Variants in STAU1 observed in about 807,000 individuals in gnomAD.
STAU1 encodes the protein double-stranded RNA-binding protein Staufen homolog 1.
A neutral mutation model predicts 62.9 loss-of-function variants in STAU1; 13 were observed. The ratio of observed to expected loss-of-function variants is 0.21; its 90% confidence interval spans 0.13 to 0.33. The LOEUF (loss-of-function observed/expected upper bound fraction) is 0.33. Among genes scored for constraint, STAU1 ranks in the 10% least tolerant of loss-of-function variants. The pLI is 1.00. For missense variants in STAU1, 571 were observed against 712.1 expected, an observed-to-expected ratio of 0.80 and a Z score of 2.25; for synonymous variants, 269 against 265.1, an observed-to-expected ratio of 1.01 and a Z score of -0.14.
chr20:49,187,605 A>T (rs2093803753), intron 1 of STAU1, among the ~76,000 whole-genome samples: 1 of 152,100 alleles, frequency 6.6e-6, no homozygotes, highest in African/African-American at 2.4e-5. Context: ...CGGTATTAGC[A>T]GCCCCTTTTC....
chr20:49,151,679 A>G lies in STAU1; in HGVS notation c.413T>C (p.Phe138Ser), dbSNP rs747019457. ...CTGTCTTGTCTTTCCTTTGCCATTAAATTGCTGTCCTCCCACAGAAAGTTC... is the reference window on the plus strand; with the variant it reads ...CTGTCTTGTCTTTCCTTTGCCATTAGATTGCTGTCCTCCCACAGAAAGTTC... ...QVELSVGGQQ[F>S]NGKGKTRQAA... The change falls in exon 5 of 14, where the codon TTT becomes TCT. Residue 138 changes from phenylalanine (F) to serine (S), a missense_variant. By Grantham distance (155) the Phe-to-Ser change is radical. Transcript: ENST00000371856. 1 of 1,612,500 alleles carries G rather than the reference A, an allele frequency of 6.2e-7. No individual in the cohort carries two copies. The highest frequency in any genetic ancestry group is 8.5e-7 in the Non-Finnish European group (1 of 1,179,452).
the STAU1 span, among the ~76,000 whole-genome samples, chr20:49,215,594 A>G: frequency 6.6e-6 from 1 of 152,176 alleles, no homozygotes; most frequent in African/African-American, 2.4e-5. Flanking sequence ...GGGATTAAGG[A>G]AAATATTATG....
the STAU1 span, among the ~76,000 whole-genome samples, chr20:49,216,049 A>AAG: frequency 4.1e-5 from 6 of 146,328 alleles, no homozygotes; most frequent in African/African-American, 1.5e-4. Context: ...GAAGAAGAAG[A>AAG]AAAAAAAAGA....
chr20:49,218,426 C>T, the STAU1 span, among the ~76,000 whole-genome samples: 1 of 151,720 alleles, frequency 6.6e-6, no homozygotes, highest in African/African-American at 2.4e-5. Context: ...GGGGTTTCAC[C>T]GTGTTAGCCA....
chr20:49,122,918 A>AAAATAAATAAATAAAT (rs3091755), intron 8 of STAU1, among the ~76,000 whole-genome samples, 174 bp downstream of exon 8: 38 of 148,542 alleles, frequency 2.6e-4, no homozygotes, highest in Admixed American at 1.5e-3. Context: ...CTCCATCTCA[A>AAAATAAATAAATAAAT]AAATAAATAA....
intron 6 of STAU1, among the ~76,000 whole-genome samples, chr20:49,127,341 C>G (rs541378992): frequency 1.3e-5 from 2 of 150,880 alleles, no homozygotes; most frequent in Non-Finnish European, 2.9e-5. Flanking sequence ...ACAACAAGAG[C>G]GAAACACCAT....
intron 10 of STAU1, 111 bp from the exon 11 acceptor site, chr20:49,118,207 G>T (rs983203082): frequency 1.5e-6 from 2 of 1,367,878 alleles, no homozygotes; most frequent in African/African-American, 1.4e-5. Flanking sequence ...GGCAGCGCAG[G>T]GAATCAGGGA....
At chr20:49,167,585 A>G (rs780215553) in intron 2 of STAU1, among the ~76,000 whole-genome samples, 35 of 152,142 alleles carry the variant, frequency 2.3e-4, no homozygotes, top group Admixed American at 2.3e-3. Context: ...TCAGAACAAA[A>G]TAACAGAGGC....
chr20:49,131,480 ATATC>A (rs1450813715), intron 6 of STAU1, among the ~76,000 whole-genome samples: 1 of 152,230 alleles, frequency 6.6e-6, no homozygotes, highest in Admixed American at 6.5e-5. Flanking sequence ...AAAGGGTATG[ATATC>A]TACCACTTTC....
the STAU1 span, among the ~76,000 whole-genome samples, chr20:49,213,062 G>A: frequency 6.6e-6 from 1 of 152,062 alleles, no homozygotes; most frequent in East Asian, 1.9e-4. Context: ...CTAGAGTGCA[G>A]TGGCATGATC....
intron 6 of STAU1, among the ~76,000 whole-genome samples, chr20:49,128,773 C>CAAAAAAAAAAAAA (rs34891670): frequency 1.9e-5 from 2 of 102,674 alleles, no homozygotes; most frequent in Non-Finnish European, 3.9e-5. Context: ...CATCCAAATC[C>CAAAAAAAAAAAAA]AAAAAAAAAA....
intron 2 of STAU1, among the ~76,000 whole-genome samples, chr20:49,172,507 T>C (rs1017256089): frequency 6.6e-6 from 1 of 152,206 alleles, no homozygotes; most frequent in Non-Finnish European, 1.5e-5. Flanking sequence ...GTGTGATATT[T>C]TCTTGACTAT....
chr20:49,126,588 C>CAAAAAAAAAACAA (rs1555837251), intron 6 of STAU1, among the ~76,000 whole-genome samples: 750 of 55,336 alleles, frequency 0.014, 16 homozygotes, highest in Middle Eastern at 0.037. Context: ...AAAAAAAAAA[C>CAAAAAAAAAACAA]AAAAAAAAAA....
rs184823828 is a variant in STAU1 at position 49,151,819 on chromosome 20, G to A, written c.345-72C>T. On this transcript the variant is annotated intron_variant, in intron 4 of 13. Coordinates refer to ENST00000371856, the MANE Select transcript of STAU1 (RefSeq NM_017453.4). ...GTCACCTATACACTCTCTGGCAAAT[G>A]CAAGTATTTCCTTCATCACGATCCT... 3.2e-5 allele frequency: 43 copies of A among 1,362,224 alleles called. No homozygotes were observed. In the East Asian group the frequency reaches 9.1e-4, roughly 29 times the overall value. 84.4% of individuals were successfully genotyped at this position (1,362,224 alleles called of 1,614,324 possible).
chr20:49,163,778 T>C (rs764753594), intron 3 of STAU1, among the ~76,000 whole-genome samples: 1 of 152,116 alleles, frequency 6.6e-6, no homozygotes, highest in Non-Finnish European at 1.5e-5. Context: ...TCTATACTTT[T>C]TGTTTTGAGT....
At chr20:49,139,114 T>G (rs1399934390) in intron 5 of STAU1, among the ~76,000 whole-genome samples, 4 of 152,062 alleles carry the variant, frequency 2.6e-5, no homozygotes, top group Non-Finnish European at 4.4e-5. Flanking sequence ...TACTTAAACA[T>G]AAGAGCTAAA....
At chr20:49,192,895 A>G (rs1247447514), upstream of STAU1, among the ~76,000 whole-genome samples, 46 of 152,210 alleles carry the variant, frequency 3.0e-4, no homozygotes, top group Non-Finnish European at 2.9e-5. Flanking sequence ...CTAAAGTCTT[A>G]TGGAAAAATT....
At chr20:49,141,437 T>G (rs886968126) in intron 5 of STAU1, among the ~76,000 whole-genome samples, 5 of 152,124 alleles carry the variant, frequency 3.3e-5, no homozygotes, top group Non-Finnish European at 7.4e-5. Context: ...AAAAAAATTT[T>G]AAGATTACCC....
the STAU1 span, among the ~76,000 whole-genome samples, chr20:49,204,789 C>CAG: frequency 6.7e-6 from 1 of 150,196 alleles, no homozygotes; most frequent in African/African-American, 2.4e-5. Flanking sequence ...GCTGGGATTA[C>CAG]AGGCACCCGC....
Sources: gnomAD v4.1 joint callset for allele counts (sites outside exome capture counted in the v4.1 genomes callset) on GRCh38, gnomAD v4.1.1 for gene constraint, MANE v1.5 for transcripts, NCBI Gene and HGNC (gene_info 2026-07-23, HGNC 2026-07-21) for gene names.